LRRC58: variants seen among roughly 807,000 people sequenced by gnomAD.
The protein encoded by LRRC58 is leucine-rich repeat-containing protein 58.
LRRC58 carries 18 observed loss-of-function variants against 30.6 expected under a neutral mutation model. That is an observed-to-expected ratio of 0.59 (90% CI 0.41 to 0.87). The LOEUF is 0.87. LRRC58 is among the 40% of genes least tolerant of loss of function. LRRC58 has a pLI of 0.00. For synonymous variants in LRRC58, 221 were observed against 206.0 expected (o/e 1.07, Z -0.62); for missense variants, 420 against 468.4 (o/e 0.90, Z 0.95).
chr3:120,344,787 A>G (rs1448171140), intron 1 of LRRC58, among the ~76,000 whole-genome samples: 1 of 152,218 alleles, frequency 6.6e-6, no homozygotes, highest in Admixed American at 6.5e-5. Context: ...ATTGAGTGAT[A>G]AGCTATTAAG....
chr3:120,334,374 G>C (rs1935804367), intron 3 of LRRC58, among the ~76,000 whole-genome samples: 3 of 152,202 alleles, frequency 2.0e-5, no homozygotes, highest in South Asian at 4.2e-4. Context: ...CGGGTGTTGT[G>C]GTGGGCGCCT....
Position 120,324,709 on chromosome 3 carries a change from A to G in LRRC58, c.*6491T>C, listed in dbSNP as rs1300734975. The G allele has an allele frequency of 1.3e-5, 2 of 151,968 alleles. No homozygotes were observed. Among genetic ancestry groups the G allele is most frequent in the African/African-American group, 2.4e-5 (1 of 41,350 alleles). 9.4% of individuals were successfully genotyped at this position (151,968 alleles called of 1,614,324 possible). Reference sequence around the variant, plus strand: ...TTGTACGTCCTGGGGGAGGGGGAAGAAGGTGGTAGAATTGAAGTAGCCCAT... The same window carrying G: ...TTGTACGTCCTGGGGGAGGGGGAAGGAGGTGGTAGAATTGAAGTAGCCCAT... On this transcript the variant is annotated 3_prime_UTR_variant, in exon 4 of 4. Transcript: ENST00000295628.
chr3:120,331,567 C>T (rs1935758289), intron 3 of LRRC58, among the ~76,000 whole-genome samples, 159 bp from the exon 4 acceptor site: 1 of 152,122 alleles, frequency 6.6e-6, no homozygotes, highest in Non-Finnish European at 1.5e-5. Context: ...TATAAGCCTA[C>T]TGGAAGGTCT....
In LRRC58 at chr3:120,328,936, A is replaced by G. The variant is rs916519680; in HGVS notation, c.*2264T>C. The stretch of plus-strand genomic sequence containing the variant: ...AAATAATACTGTGGTATACATCTAT[A>G]TTCTTATATGCAAAGGCCAGAAACT... On this transcript the variant is annotated 3_prime_UTR_variant, in exon 4 of 4. Transcript: ENST00000295628. The G allele has an allele frequency of 6.6e-6, 1 of 152,334 alleles. No individual in the cohort carries two copies. The highest frequency in any genetic ancestry group is 2.1e-4 in the South Asian group (1 of 4,830). The allele number at this position is 152,334 out of a possible 1,614,324, so 9.4% of individuals were successfully genotyped here.
rs1233684457 is a variant in LRRC58, at chr3:120,329,972, A to G, written c.*1228T>C. 6.6e-6 allele frequency: 1 copy of G among 151,892 alleles called. No homozygotes were observed. The highest frequency in any genetic ancestry group is 1.9e-4 in the East Asian group (1 of 5,194). The allele number at this position is 151,892 out of a possible 1,614,324, so 9.4% of individuals were successfully genotyped here. ...CATTAAGGATACAATATATTTAATA[A>G]TTTTTTTCTATTTTATTAATACTTT... On this transcript the variant is annotated 3_prime_UTR_variant, in exon 4 of 4. Coordinates refer to ENST00000295628, the MANE Select transcript of LRRC58 (RefSeq NM_001099678.2).
At chr3:120,334,741 CT>C in intron 3 of LRRC58, 120 bp downstream of exon 3, 1 of 937,732 alleles carries the variant, frequency 1.1e-6, no homozygotes. Context: ...AAATGTCTTT[CT>C]CATAAATGAG....
At chr3:120,339,874 T>A (rs1468388511) in intron 1 of LRRC58, among the ~76,000 whole-genome samples, 1 of 152,180 alleles carries the variant, frequency 6.6e-6, no homozygotes, top group Non-Finnish European at 1.5e-5. Flanking sequence ...TTTTAATTTT[T>A]ATTTTTTGAG....
intron 3 of LRRC58, among the ~76,000 whole-genome samples, chr3:120,332,441 T>C (rs527781940): frequency 6.6e-6 from 1 of 152,282 alleles, no homozygotes; most frequent in South Asian, 2.1e-4. Flanking sequence ...TTGTGGTACA[T>C]TACTCTGAAT....
At chr3:120,335,983 A>G in intron 1 of LRRC58, 30 bp from the exon 2 acceptor site, 1 of 1,478,092 alleles carries the variant, frequency 6.8e-7, no homozygotes, top group Non-Finnish European at 9.3e-7. Flanking sequence ...AAACCAAAAA[A>G]GTAAATAAAG....
At chr3:120,346,109 T>G (rs540270197) in intron 1 of LRRC58, among the ~76,000 whole-genome samples, 3 of 152,092 alleles carry the variant, frequency 2.0e-5, no homozygotes, top group African/African-American at 4.8e-5. Context: ...AGTACAAAAA[T>G]TAGCTGGCGT....
chr3:120,337,878 G>A (rs542306949), intron 1 of LRRC58, among the ~76,000 whole-genome samples: 43 of 151,478 alleles, frequency 2.8e-4, no homozygotes, highest in Admixed American at 1.5e-3. Context: ...TTACTCTGTC[G>A]CCCAGGCTGG....
intron 1 of LRRC58, among the ~76,000 whole-genome samples, chr3:120,336,882 T>A: frequency 7.3e-6 from 1 of 136,484 alleles, no homozygotes. Flanking sequence ...TATTATACTA[T>A]AAATAAATAA....
chr3:120,343,101 T>C (rs1260058546), intron 1 of LRRC58, among the ~76,000 whole-genome samples: 1 of 152,230 alleles, frequency 6.6e-6, no homozygotes, highest in African/African-American at 2.4e-5. Flanking sequence ...AGTAGTTACC[T>C]TGACTGTGGC....
intron 1 of LRRC58, among the ~76,000 whole-genome samples, chr3:120,338,564 T>C (rs1935864218): frequency 6.6e-6 from 1 of 152,070 alleles, no homozygotes; most frequent in East Asian, 1.9e-4. Context: ...CTAGAGAGGG[T>C]GGACAGAAAA....
chr3:120,342,287 G>C (rs537523702), intron 1 of LRRC58, among the ~76,000 whole-genome samples: 57 of 152,288 alleles, frequency 3.7e-4, no homozygotes, highest in African/African-American at 1.3e-3. Context: ...GCCTCTCCCC[G>C]CCTGCCCATG....
intron 1 of LRRC58, among the ~76,000 whole-genome samples, chr3:120,340,667 A>G (rs2107625351): frequency 6.6e-6 from 1 of 152,298 alleles, no homozygotes; most frequent in East Asian, 1.9e-4. Context: ...TGAGGTCACG[A>G]GTTCGAGACC....
At chr3:120,332,754 CT>C (rs555485502) in intron 3 of LRRC58, among the ~76,000 whole-genome samples, 77 of 146,522 alleles carry the variant, frequency 5.3e-4, no homozygotes, top group Middle Eastern at 3.4e-3. Context: ...TAAACTGATA[CT>C]TTTTTTTTTT....
At chr3:120,336,155 G>A (rs1935832450) in intron 1 of LRRC58, among the ~76,000 whole-genome samples, 1 of 152,124 alleles carries the variant, frequency 6.6e-6, no homozygotes, top group Non-Finnish European at 1.5e-5. Context: ...ACAGACCAAT[G>A]TTAGATAACA....
In LRRC58 at chr3:120,328,135, A is replaced by AGGCCGGGCGCGGTGGCTC. The variant is rs1935707486; in HGVS notation, c.*3064_*3065insGAGCCACCGCGCCCGGCC. ...CAGCACACATTTAGAAGTAAAATAT[A>AGGCCGGGCGCGGTGGCTC]ACCAGTCGCCTTTGGATTTACCTCC... On this transcript the variant is annotated 3_prime_UTR_variant, in exon 4 of 4. Coordinates refer to ENST00000295628, the MANE Select transcript of LRRC58 (RefSeq NM_001099678.2). 6.6e-6 allele frequency: 1 copy of AGGCCGGGCGCGGTGGCTC among 152,196 alleles called. No homozygotes were observed. Among genetic ancestry groups the AGGCCGGGCGCGGTGGCTC allele is most frequent in the South Asian group, 2.1e-4 (1 of 4,830 alleles). 9.4% of individuals were successfully genotyped at this position (152,196 alleles called of 1,614,324 possible). A position where few individuals can be genotyped will look rare whatever the true frequency, so the allele number is the denominator to read the frequency against.
Sources: allele counts gnomAD v4.1 joint callset (sites outside exome capture counted in the v4.1 genomes callset), GRCh38; gene constraint gnomAD v4.1.1; transcripts MANE v1.5; gene names NCBI Gene and HGNC (gene_info 2026-07-23, HGNC 2026-07-21).